Variants in TLE2 observed in about 807,000 individuals in gnomAD.
TLE2 encodes transducin-like enhancer protein 2.
A neutral mutation model predicts 97.2 loss-of-function variants in TLE2; 74 were observed. The ratio of observed to expected loss-of-function variants is 0.76; its 90% confidence interval spans 0.63 to 0.92. TLE2 has a LOEUF of 0.92. TLE2 is among the 40% of genes least tolerant of loss of function. TLE2 has a pLI of 0.00. For synonymous variants in TLE2, 499 were observed against 432.1 expected (o/e 1.15, Z -1.92); for missense variants, 1,038 against 1,008.7 (o/e 1.03, Z -0.39).
chr19:3,016,810 G>A (rs913920951), intron 8 of TLE2, among the ~76,000 whole-genome samples: 5 of 151,678 alleles, frequency 3.3e-5, no homozygotes, highest in African/African-American at 7.3e-5. Flanking sequence ...ATGGAGTCTC[G>A]CTCTGTCGCC....
chr19:3,017,440 TTTTC>T (rs1169549584), intron 8 of TLE2, among the ~76,000 whole-genome samples: 231 of 138,862 alleles, frequency 1.7e-3, no homozygotes, highest in Middle Eastern at 0.011. Context: ...TGGTTTTTTT[TTTTC>T]TTTCTTTCTT....
chr19:3,037,609 C>A (rs2090071925), intron 1 of TLE2, among the ~76,000 whole-genome samples: 1 of 152,134 alleles, frequency 6.6e-6, no homozygotes, highest in South Asian at 2.1e-4. Flanking sequence ...TTCTGACCAG[C>A]AGGAGTCAGG....
chr19:3,044,215 G>A (rs1335686314), intron 1 of TLE2, among the ~76,000 whole-genome samples: 1 of 151,830 alleles, frequency 6.6e-6, no homozygotes, highest in Non-Finnish European at 1.5e-5. Flanking sequence ...AGTGGCACAG[G>A]GGCCTCCTCG....
chr19:3,002,208 A>G, intron 18 of TLE2, 145 bp downstream of exon 18: 1 of 1,014,280 alleles, frequency 9.9e-7, no homozygotes, highest in South Asian at 1.9e-5. Context: ...TTTGGGATAT[A>G]CTTGTACTAA....
chr19:3,017,913 G>T, intron 7 of TLE2, 54 bp from the exon 8 acceptor site: 2 of 1,579,518 alleles, frequency 1.3e-6, no homozygotes, highest in South Asian at 1.1e-5. Context: ...TGAGGCGTTT[G>T]TATCCACGGC....
chr19:3,018,300 A>G (rs2089758367), intron 7 of TLE2, among the ~76,000 whole-genome samples: 1 of 150,430 alleles, frequency 6.6e-6, no homozygotes, highest in Admixed American at 6.6e-5. Context: ...CTTGGCATTT[A>G]TTTATTTATT....
chr19:3,028,751 T>G lies in TLE2; in HGVS notation c.77A>C (p.Asp26Ala). 1 of 1,612,748 alleles carries G rather than the reference T, an allele frequency of 6.2e-7. No homozygotes were observed. The highest frequency in any genetic ancestry group is 8.5e-7 in the Non-Finnish European group (1 of 1,179,768). The stretch of plus-strand genomic sequence containing the variant: ...AAACTGGAATTCTTCTTTGATGCGG[T>G]CGCAGATCTCCAAGATCGAGAACTT... Reference protein sequence around the residue: ...PFKFSILEICDRIKEEFQFLQ... With the variant: ...PFKFSILEICARIKEEFQFLQ... Residue 26 changes from aspartate (D) to alanine (A), a missense_variant, in exon 2 of 20, where the codon GAC (aspartate) becomes GCC (alanine). By Grantham distance (126) the Asp-to-Ala change is moderately radical (BLOSUM62 -2). Transcript: ENST00000262953.
At chr19:3,027,149 C>G (rs1210532398) in intron 4 of TLE2, among the ~76,000 whole-genome samples, 1 of 152,242 alleles carries the variant, frequency 6.6e-6, no homozygotes, top group African/African-American at 2.4e-5. Context: ...ATCTCAGAAC[C>G]CTGAGGTCTA....
Position 3,005,710 on chromosome 19 carries a change from CT to C in TLE2, c.1748+10del, listed in dbSNP as rs1568232679. On this transcript the variant is annotated intron_variant, in intron 16 of 19. Transcript: ENST00000262953. ...GGGCTTGCCCAAGGTCCCAGCGCAC[CT>C]GCCACCCACCTGACCATAGTCTGAT... is the stretch of plus-strand genomic sequence containing the variant. 3.1e-6 allele frequency: 5 copies of C among 1,611,228 alleles called. No homozygotes were observed. Among genetic ancestry groups the C allele is most frequent in the Non-Finnish European group, 4.2e-6 (5 of 1,177,826 alleles).
Position 3,028,664 on chromosome 19 carries a change from G to C in TLE2, c.122+42C>G, listed in dbSNP as rs758561982. 4 of 1,603,872 alleles carry C rather than the reference G, an allele frequency of 2.5e-6. No homozygotes were observed. The African/African-American group carries it at 5.4e-5, about 22-fold the overall frequency. On this transcript the variant is annotated intron_variant, in intron 2 of 19. Transcript: ENST00000262953. ...CCCGGAGGCCTCGCCCCGCCCCGGC[G>C]CCCAGGTGAACTCCCGCGGCCCCTG...
At chr19:3,015,898 C>G (rs1276836282) in intron 8 of TLE2, 138 bp from the exon 9 acceptor site, 5 of 716,262 alleles carry the variant, frequency 7.0e-6, no homozygotes, top group Admixed American at 2.0e-5. Context: ...GAAATGGGAG[C>G]TTCCAACGGC....
At chr19:3,026,648 C>T (rs2089950561) in intron 4 of TLE2, among the ~76,000 whole-genome samples, 1 of 147,780 alleles carries the variant, frequency 6.8e-6, no homozygotes, top group Admixed American at 6.7e-5. Context: ...CTGTCTATCT[C>T]AGAACCCTGA....
chr19:3,046,641 C>G (rs1473922309), upstream of TLE2, among the ~76,000 whole-genome samples: 1 of 151,686 alleles, frequency 6.6e-6, no homozygotes, highest in Non-Finnish European at 1.5e-5. Context: ...CCTCCCTCCA[C>G]TGAGAACCAT....
intron 12 of TLE2, among the ~76,000 whole-genome samples, chr19:3,010,027 G>C (rs372327843): frequency 2.0e-5 from 3 of 151,896 alleles, no homozygotes; most frequent in African/African-American, 7.2e-5. Flanking sequence ...TGGGACTATG[G>C]CCATTCTCCT....
At chr19:3,009,418 G>T in intron 13 of TLE2, 124 bp downstream of exon 13, 2 of 1,204,230 alleles carry the variant, frequency 1.7e-6, no homozygotes, top group Non-Finnish European at 2.2e-6. Flanking sequence ...ATGCATACTT[G>T]CTGAGCCAGG....
At chr19:3,018,252 C>T (rs1285239517) in intron 7 of TLE2, among the ~76,000 whole-genome samples, 1 of 152,100 alleles carries the variant, frequency 6.6e-6, no homozygotes, top group Non-Finnish European at 1.5e-5. Context: ...CCATCTCAGC[C>T]TCCCGAGTAG....
chr19:3,015,633 C>A lies in TLE2; in HGVS notation c.678+20G>T. The A allele has an allele frequency of 6.3e-7, 1 of 1,581,322 alleles. No individual in the cohort carries two copies. The highest frequency in any genetic ancestry group is 8.6e-7 in the Non-Finnish European group (1 of 1,161,656). On this transcript the variant is annotated intron_variant, in intron 9 of 19. Transcript: ENST00000262953. Reference sequence around the variant, plus strand: ...TGGGCCATGCACGCCCATCCCAGTCCTGCACCTGCCCCCACTCACATAAGG... The same window carrying A: ...TGGGCCATGCACGCCCATCCCAGTCATGCACCTGCCCCCACTCACATAAGG...
intron 18 of TLE2, among the ~76,000 whole-genome samples, chr19:3,001,831 CTT>C (rs1229697809): frequency 2.5e-5 from 3 of 120,006 alleles, no homozygotes; most frequent in Non-Finnish European, 3.3e-5. Flanking sequence ...GAATCTCACT[CTT>C]GTCTCCCAGG....
chr19:3,022,686 T>C lies in TLE2; in HGVS notation c.294+2334A>G, dbSNP rs572107029. On this transcript the variant is annotated intron_variant, in intron 5 of 19. Transcript: ENST00000262953. ...TATGCACTCTGAGGCTGCTTGTGTA[T>C]ACACGCTCCTGAAGACAGACATCTG... Among the ~76,000 whole-genome samples, 3 of 152,276 alleles carry C rather than the reference T, an allele frequency of 2.0e-5. No homozygotes were observed. The South Asian group carries it at 6.2e-4, about 32-fold the overall frequency.
Sources: allele counts gnomAD v4.1 joint callset (sites outside exome capture counted in the v4.1 genomes callset), GRCh38; gene constraint gnomAD v4.1.1; transcripts MANE v1.5; gene names NCBI Gene and HGNC (gene_info 2026-07-23, HGNC 2026-07-21).